SND1: variants seen among roughly 807,000 people sequenced by gnomAD.
The protein encoded by SND1 is staphylococcal nuclease and tudor domain containing 1, also known as staphylococcal nuclease domain-containing protein 1.
Under a neutral mutation model 121.7 loss-of-function variants are expected in SND1, and 38 were observed. The observed-to-expected ratio is 0.31, with a 90% confidence interval of 0.24 to 0.41. The LOEUF (loss-of-function observed/expected upper bound fraction) is 0.41. SND1 is among the 10% of genes least tolerant of loss of function. The pLI, the probability that SND1 is intolerant of heterozygous loss-of-function variation, is 1.00. For missense variants in SND1, 868 were observed against 1,184.6 expected (o/e 0.73, Z 3.92); for synonymous variants, 401 against 447.4 (o/e 0.90, Z 1.31).
At chr7:127,920,608 A>C (rs1421276443) in intron 14 of SND1, among the ~76,000 whole-genome samples, 1 of 152,160 alleles carries the variant, frequency 6.6e-6, no homozygotes, top group Non-Finnish European at 1.5e-5. Flanking sequence ...AAGCTTTTCT[A>C]TACAGCAAGA....
chr7:127,777,831 C>T (rs971474314), intron 10 of SND1, among the ~76,000 whole-genome samples: 12 of 152,136 alleles, frequency 7.9e-5, no homozygotes, highest in African/African-American at 2.9e-4. Context: ...CCTGCGCCAC[C>T]TGCACGTGTC....
chr7:127,867,081 T>C (rs1799491879), intron 12 of SND1, among the ~76,000 whole-genome samples: 1 of 152,200 alleles, frequency 6.6e-6, no homozygotes, highest in Non-Finnish European at 1.5e-5. Context: ...TTTCTTCTTC[T>C]TGCCTTCTCT....
intron 1 of SND1, among the ~76,000 whole-genome samples, chr7:127,680,542 G>A (rs990095745): frequency 1.3e-5 from 2 of 152,010 alleles, no homozygotes; most frequent in Admixed American, 6.6e-5. Flanking sequence ...AGAATTCAGC[G>A]ATATTTCTCC....
chr7:128,067,459 G>A (rs575656028), intron 16 of SND1, among the ~76,000 whole-genome samples: 6 of 152,258 alleles, frequency 3.9e-5, no homozygotes, highest in African/African-American at 1.4e-4. Context: ...GCCCTGAGCA[G>A]CCCCACCCTG....
chr7:127,656,694 A>G (rs1188548784), intron 1 of SND1, among the ~76,000 whole-genome samples: 2 of 152,206 alleles, frequency 1.3e-5, no homozygotes, highest in Non-Finnish European at 2.9e-5. Flanking sequence ...TACTTCGCTC[A>G]TGCAGGAATG....
At position 128,053,461 on chromosome 7, in the gene SND1, G is replaced by C. The variant is rs368814795; in HGVS notation, c.1780-21041G>C. 5.3e-5 allele frequency among the ~76,000 whole-genome samples: 8 copies of C among 151,928 alleles called. No individual in the cohort carries two copies. The South Asian group carries it at 8.3e-4, about 16-fold the overall frequency. ...CTTCAGGAGTCTGAGTGACTCTCAG[G>C]GTTCAAAAAAAATGGTGCAGGAGGC... On this transcript the variant is annotated intron_variant, in intron 16 of 23. Transcript: ENST00000354725.
rs138403013 is a variant in SND1, at chr7:127,973,546, C to G, written c.1670-17401C>G. Reference sequence around the variant, plus strand: ...GGGCAGAGGAGTGGGTTAGAACTGTCAAATGTCAATGATTTGGGAAGAGGA... The same window carrying G: ...GGGCAGAGGAGTGGGTTAGAACTGTGAAATGTCAATGATTTGGGAAGAGGA... On this transcript the variant is annotated intron_variant, in intron 15 of 23. Transcript: ENST00000354725. Among the ~76,000 whole-genome samples, 9 of 152,268 alleles carry G rather than the reference C, an allele frequency of 5.9e-5. No individual in the cohort carries two copies. In the East Asian group the frequency reaches 1.7e-3, roughly 29 times the overall value.
intron 11 of SND1, among the ~76,000 whole-genome samples, chr7:127,810,805 A>T (rs1357403379): frequency 6.6e-6 from 1 of 152,222 alleles, no homozygotes; most frequent in African/African-American, 2.4e-5. Context: ...TGGTTTATCC[A>T]TGTGATACAG....
chr7:128,068,976 C>A (rs1199195580), intron 16 of SND1, among the ~76,000 whole-genome samples: 1 of 152,260 alleles, frequency 6.6e-6, no homozygotes, highest in East Asian at 1.9e-4. Flanking sequence ...CACAGTCAGG[C>A]CAGGTCCAGC....
intron 15 of SND1, among the ~76,000 whole-genome samples, chr7:127,935,923 G>A (rs575541496): frequency 4.6e-5 from 7 of 152,240 alleles, no homozygotes; most frequent in African/African-American, 1.7e-4. Flanking sequence ...TTCAAGGTGG[G>A]GTGGACACTT....
chr7:127,951,575 C>A (rs1801463661), intron 15 of SND1, among the ~76,000 whole-genome samples: 1 of 152,070 alleles, frequency 6.6e-6, no homozygotes, highest in Admixed American at 6.5e-5. Flanking sequence ...GTTAAGTATT[C>A]TTACATTTCT....
intron 16 of SND1, among the ~76,000 whole-genome samples, chr7:128,017,692 G>A (rs181787730): frequency 6.6e-6 from 1 of 152,166 alleles, no homozygotes; most frequent in Non-Finnish European, 1.5e-5. Context: ...CACTCGGGGA[G>A]GGGGGGCAAA....
At chr7:127,739,459 A>G (rs971642920) in intron 10 of SND1, among the ~76,000 whole-genome samples, 70 of 152,132 alleles carry the variant, frequency 4.6e-4, no homozygotes, top group Non-Finnish European at 3.7e-4. Context: ...CCAGACAACC[A>G]TCATGATTTC....
intron 10 of SND1, among the ~76,000 whole-genome samples, chr7:127,758,633 G>A (rs1797242109): frequency 6.6e-6 from 1 of 152,072 alleles, no homozygotes; most frequent in Non-Finnish European, 1.5e-5. Flanking sequence ...CTGATCATAT[G>A]GTTTTGATAT....
intron 12 of SND1, among the ~76,000 whole-genome samples, chr7:127,855,429 A>T (rs1400428785): frequency 6.6e-6 from 1 of 152,102 alleles, no homozygotes; most frequent in African/African-American, 2.4e-5. Flanking sequence ...TTTTAAATGT[A>T]GAGTTTGGAA....
At chr7:128,006,968 C>T (rs1447425489) in intron 16 of SND1, among the ~76,000 whole-genome samples, 1 of 152,184 alleles carries the variant, frequency 6.6e-6, no homozygotes, top group Admixed American at 6.5e-5. Context: ...AGTCTTGTTT[C>T]CTGAGCGCCG....
intron 10 of SND1, among the ~76,000 whole-genome samples, chr7:127,769,234 G>A (rs1797471551): frequency 6.6e-6 from 1 of 151,510 alleles, no homozygotes; most frequent in South Asian, 2.1e-4. Context: ...AAGCCCAAAA[G>A]TATTAGGTAG....
chr7:128,033,644 T>C lies in SND1; in HGVS notation c.1780-40858T>C, dbSNP rs191269429. Among the ~76,000 whole-genome samples the C allele has an allele frequency of 6.4e-4, 97 of 152,342 alleles. No homozygotes were observed. In the East Asian group the frequency reaches 0.016, roughly 25 times the overall value. On this transcript the variant is annotated intron_variant, in intron 16 of 23. Coordinates refer to ENST00000354725, the MANE Select transcript of SND1 (RefSeq NM_014390.4). Reference sequence around the variant, plus strand: ...GTAGGCAAGTTGGAGTCCCCATTCTTTGCCAAGACCTTTCTGTTATCATTT... The same window carrying C: ...GTAGGCAAGTTGGAGTCCCCATTCTCTGCCAAGACCTTTCTGTTATCATTT...
chr7:127,850,010 G>A (rs903346588), intron 12 of SND1, among the ~76,000 whole-genome samples: 1 of 152,190 alleles, frequency 6.6e-6, no homozygotes, highest in African/African-American at 2.4e-5. Flanking sequence ...TACCTTTAAT[G>A]TATTTGTATG....
Sources: allele counts gnomAD v4.1 joint callset (sites outside exome capture counted in the v4.1 genomes callset), GRCh38; gene constraint gnomAD v4.1.1; transcripts MANE v1.5; gene names NCBI Gene and HGNC (gene_info 2026-07-23, HGNC 2026-07-21).